Variants in RAP1A observed in about 807,000 individuals in gnomAD.
The protein encoded by RAP1A is RAP1A, member of RAS oncogene family, also known as ras-related protein Rap-1A.
A neutral mutation model predicts 26.4 loss-of-function variants in RAP1A; 6 were observed. That is an observed-to-expected ratio of 0.23 (90% confidence interval 0.12 to 0.45). RAP1A has a LOEUF of 0.45. Ranked by LOEUF, RAP1A falls within the 20% of genes least tolerant of loss-of-function variation. The probability of loss-of-function intolerance (pLI) is 0.99; values close to 1 mark genes in which losing one functional copy is unlikely to be tolerated. For missense variants in RAP1A, 121 were observed against 217.2 expected (o/e 0.56, Z 2.78); for synonymous variants, 73 against 79.4 (o/e 0.92, Z 0.43).
chr1:111,614,989 A>G (rs547272662), upstream of RAP1A, among the ~76,000 whole-genome samples: 9 of 152,322 alleles, frequency 5.9e-5, no homozygotes, highest in Non-Finnish European at 1.3e-4. Context: ...GAGTTGCAAT[A>G]TGAGACAGGC....
intron 1 of RAP1A, among the ~76,000 whole-genome samples, chr1:111,545,926 C>T (rs1657018597): frequency 6.6e-6 from 1 of 152,104 alleles, no homozygotes; most frequent in South Asian, 2.1e-4. Flanking sequence ...AATCAATTGT[C>T]CACAGGTGGA....
At chr1:111,680,754 C>G (rs1207427107) in intron 1 of RAP1A, 2 of 152,560 alleles carry the variant, frequency 1.3e-5, no homozygotes, top group Non-Finnish European at 2.9e-5. Flanking sequence ...TGGAGTGGAC[C>G]TCCAGCAAAC....
chr1:111,544,569 C>G (rs142470042), intron 1 of RAP1A, among the ~76,000 whole-genome samples: 12 of 152,238 alleles, frequency 7.9e-5, no homozygotes, highest in African/African-American at 2.6e-4. Context: ...GAATAACGTT[C>G]CATTATATAC....
Position 111,716,603 on chromosome 1 carries a change from A to G in RAP1A, c.*4202A>G, listed in dbSNP as rs1490384576. The G allele has an allele frequency of 6.6e-6, 1 of 152,188 alleles. No individual in the cohort carries two copies. The highest frequency in any genetic ancestry group is 2.1e-4 in the South Asian group (1 of 4,828). 9.4% of individuals were successfully genotyped at this position (152,188 alleles called of 1,614,324 possible). A position where few individuals can be genotyped will look rare whatever the true frequency, so the allele number is the denominator to read the frequency against. ...TGTGGTTCTGGGCCCAAGGTGTGAC[A>G]TACATTTCCCACTAATTGCTTCTCT... On this transcript the variant is annotated 3_prime_UTR_variant, in exon 8 of 8. Transcript: ENST00000369709.
chr1:111,547,577 C>A (rs1322966841), intron 1 of RAP1A, among the ~76,000 whole-genome samples: 1 of 152,096 alleles, frequency 6.6e-6, no homozygotes, highest in Non-Finnish European at 1.5e-5. Context: ...TAGTTCATCC[C>A]TAGAGAACTG....
At chr1:111,585,943 T>C (rs1477568637) in intron 1 of RAP1A, among the ~76,000 whole-genome samples, 1 of 152,180 alleles carries the variant, frequency 6.6e-6, no homozygotes, top group Non-Finnish European at 1.5e-5. Context: ...TAAAGGACAA[T>C]TCCTGCCACC....
In RAP1A at chr1:111,578,506, C is replaced by CA. The variant is rs34648455; in HGVS notation, c.-28+36006dup. ...TATTTTCAATGGGGAAAAAAAACCA[C>CA]AAAAAAAAATTACATATGAACTCAC... On this transcript the variant is annotated intron_variant, in intron 1 of 7. Transcript: ENST00000356415. Among the ~76,000 whole-genome samples the CA allele has an allele frequency of 7.4e-3, 1,123 of 150,918 alleles. 10 individuals carry two copies. The highest frequency in any genetic ancestry group is 0.025 in the African/African-American group (1,042 of 40,888).
At chr1:111,629,262 C>T (rs1659494908) in intron 1 of RAP1A, among the ~76,000 whole-genome samples, 1 of 152,126 alleles carries the variant, frequency 6.6e-6, no homozygotes, top group African/African-American at 2.4e-5. Context: ...CCTGTTTTCT[C>T]TCTCAGCCCT....
chr1:111,572,645 T>C (rs1658072889), intron 1 of RAP1A, among the ~76,000 whole-genome samples: 1 of 152,186 alleles, frequency 6.6e-6, no homozygotes. Context: ...TCTTTCCACA[T>C]CCTCTATCTT....
rs138040834 is a variant in RAP1A, at chr1:111,656,094, A to G, written c.-27-35240A>G. 1.8e-3 allele frequency among the ~76,000 whole-genome samples: 280 copies of G among 152,326 alleles called. 1 individual carries two copies. Among genetic ancestry groups the G allele is most frequent in the Non-Finnish European group, 3.4e-3 (233 of 68,028 alleles). ...ATAAATAAAGATTCATTGCAGCATT[A>G]TCTGTAATAATAGAAAACACTTTGA... is the stretch of plus-strand genomic sequence containing the variant. On this transcript the variant is annotated intron_variant, in intron 1 of 7. Transcript: ENST00000369709.
At chr1:111,596,645 C>T (rs1658568937) in intron 1 of RAP1A, among the ~76,000 whole-genome samples, 1 of 152,232 alleles carries the variant, frequency 6.6e-6, no homozygotes, top group South Asian at 2.1e-4. Flanking sequence ...TCTCATAGTT[C>T]TGCAGGCTGG....
intron 1 of RAP1A, among the ~76,000 whole-genome samples, chr1:111,610,489 C>G (rs1658904792): frequency 6.6e-6 from 1 of 151,754 alleles, no homozygotes; most frequent in Non-Finnish European, 1.5e-5. Context: ...ACATCTCCAG[C>G]TCCTTTTCTG....
chr1:111,583,254 T>C (rs1277221887), intron 1 of RAP1A, among the ~76,000 whole-genome samples: 1 of 148,892 alleles, frequency 6.7e-6, no homozygotes, highest in Admixed American at 6.7e-5. Flanking sequence ...GCAAGAAGTC[T>C]ACCCCTGATA....
chr1:111,654,150 G>A (rs936380501), intron 1 of RAP1A, among the ~76,000 whole-genome samples: 1 of 152,154 alleles, frequency 6.6e-6, no homozygotes, highest in African/African-American at 2.4e-5. Context: ...AGAGCCTAAG[G>A]ACTCTCCGCC....
intron 1 of RAP1A, among the ~76,000 whole-genome samples, chr1:111,582,057 T>C (rs1258609897): frequency 6.6e-6 from 1 of 152,174 alleles, no homozygotes; most frequent in South Asian, 2.1e-4. Context: ...CCCTAAAATC[T>C]AAGTTGTTTC....
At chr1:111,650,093 CTTTTTTTTTTTTT>C (rs57681662) in intron 1 of RAP1A, among the ~76,000 whole-genome samples, 5 of 75,884 alleles carry the variant, frequency 6.6e-5, no homozygotes, top group South Asian at 6.3e-4. Context: ...TGGTAGAGTG[CTTTTTTTTTTTTT>C]TTTTTTTTTT....
At chr1:111,668,290 A>G (rs1219404935) in intron 1 of RAP1A, among the ~76,000 whole-genome samples, 1 of 152,230 alleles carries the variant, frequency 6.6e-6, no homozygotes, top group Non-Finnish European at 1.5e-5. Flanking sequence ...GAGACTGAAA[A>G]TACGGATTAT....
intron 1 of RAP1A, among the ~76,000 whole-genome samples, chr1:111,655,858 T>C (rs1052195594): frequency 6.6e-6 from 1 of 151,574 alleles, no homozygotes; most frequent in Admixed American, 6.6e-5. Flanking sequence ...GTTTGTTTTT[T>C]TGTTTTTTGT....
intron 1 of RAP1A, among the ~76,000 whole-genome samples, chr1:111,675,895 C>T (rs1318466872): frequency 2.0e-5 from 3 of 152,168 alleles, no homozygotes; most frequent in Admixed American, 6.5e-5. Context: ...TCCCATCTTA[C>T]GTGGATGGCA....
Sources: allele counts gnomAD v4.1 joint callset (sites outside exome capture counted in the v4.1 genomes callset), GRCh38; gene constraint gnomAD v4.1.1; transcripts MANE v1.5; gene names NCBI Gene and HGNC (gene_info 2026-07-23, HGNC 2026-07-21).